GLI2: variants seen among roughly 807,000 people sequenced by gnomAD.
GLI2 encodes the protein GLI family zinc finger 2, also known as transcription activator GLI2.
A neutral mutation model predicts 78.9 loss-of-function variants in GLI2; 22 were observed. The observed-to-expected ratio is 0.28, with a 90% CI of 0.20 to 0.40. The LOEUF is 0.40. Among genes scored for constraint, GLI2 ranks in the 10% least tolerant of loss-of-function variants. The pLI is 1.00. For missense variants in GLI2, 2,097 were observed against 2,213.2 expected (o/e 0.95, Z 1.05); for synonymous variants, 974 against 963.7 (o/e 1.01, Z -0.20).
At chr2:120,771,330 G>T (rs571223802) in intron 1 of GLI2, among the ~76,000 whole-genome samples, 8 of 152,360 alleles carry the variant, frequency 5.3e-5, no homozygotes, top group Admixed American at 4.6e-4. Context: ...TGTGCGATTG[G>T]GGCGGACACT....
intron 2 of GLI2, among the ~76,000 whole-genome samples, chr2:120,840,826 T>C (rs551257309): frequency 6.6e-6 from 1 of 152,280 alleles, no homozygotes; most frequent in Admixed American, 6.5e-5. Flanking sequence ...TCCCCCTTCT[T>C]GTTTCTCCCA....
At chr2:120,819,113 G>A (rs1034209403) in intron 2 of GLI2, among the ~76,000 whole-genome samples, 3 of 152,148 alleles carry the variant, frequency 2.0e-5, no homozygotes, top group Non-Finnish European at 4.4e-5. Flanking sequence ...GCTCTTGTTG[G>A]GTTCCTGGCT....
chr2:120,762,677 A>C (rs1683249613), intron 1 of GLI2, among the ~76,000 whole-genome samples: 1 of 152,180 alleles, frequency 6.6e-6, no homozygotes, highest in South Asian at 2.1e-4. Flanking sequence ...GCCTGCAGCT[A>C]GTGTAGGCTC....
intron 2 of GLI2, among the ~76,000 whole-genome samples, chr2:120,911,844 T>C (rs187978932): frequency 7.2e-5 from 11 of 151,940 alleles, no homozygotes; most frequent in African/African-American, 2.7e-4. Flanking sequence ...GGGGAGGGGC[T>C]TTCTAGGCAG....
At chr2:120,909,703 A>C (rs1678718317) in intron 2 of GLI2, among the ~76,000 whole-genome samples, 1 of 151,926 alleles carries the variant, frequency 6.6e-6, no homozygotes. Flanking sequence ...GTCTCTACTA[A>C]AAATACAAAA....
chr2:120,798,026 A>C (rs1240352928), intron 2 of GLI2, among the ~76,000 whole-genome samples: 1 of 152,196 alleles, frequency 6.6e-6, no homozygotes, highest in Non-Finnish European at 1.5e-5. Context: ...CTACTGGGCC[A>C]TCCGTGCCAG....
chr2:120,956,485 C>T (rs1681269780), intron 5 of GLI2, among the ~76,000 whole-genome samples: 1 of 152,144 alleles, frequency 6.6e-6, no homozygotes, highest in Non-Finnish European at 1.5e-5. Context: ...AGGAGCCCGT[C>T]TCAAGGAATA....
intron 2 of GLI2, among the ~76,000 whole-genome samples, chr2:120,856,798 T>A (rs925270533): frequency 1.3e-5 from 2 of 152,138 alleles, no homozygotes; most frequent in African/African-American, 4.8e-5. Flanking sequence ...TGAAGAAGCC[T>A]CGTGTGGCTG....
chr2:120,892,490 C>T (rs1163583550), intron 2 of GLI2, among the ~76,000 whole-genome samples: 10 of 152,176 alleles, frequency 6.6e-5, no homozygotes, highest in Non-Finnish European at 1.0e-4. Context: ...GGTGCTGGCC[C>T]GGTACCAGCT....
chr2:120,786,840 G>GT (rs1684011626), intron 1 of GLI2, among the ~76,000 whole-genome samples: 1 of 152,172 alleles, frequency 6.6e-6, no homozygotes, highest in Non-Finnish European at 1.5e-5. Flanking sequence ...TCCCTTAAAG[G>GT]TGCCTGTGGG....
chr2:120,820,567 G>T lies in GLI2; in HGVS notation c.148+23099G>T, dbSNP rs1333208207. Among the ~76,000 whole-genome samples the T allele has an allele frequency of 2.0e-5, 3 of 152,222 alleles. No homozygotes were observed. In the East Asian group the frequency reaches 5.8e-4, roughly 29 times the overall value. The stretch of plus-strand genomic sequence containing the variant: ...CCCTGCCCCAGCAACCCCCAGGTAG[G>T]CTGGCTGTGGATGTGTGGGCTCCGG... On this transcript the variant is annotated intron_variant, in intron 2 of 13. Transcript: ENST00000361492.
chr2:120,777,128 T>TGAA (rs1683703396), intron 1 of GLI2, among the ~76,000 whole-genome samples: 3 of 152,046 alleles, frequency 2.0e-5, no homozygotes, highest in Admixed American at 2.0e-4. Flanking sequence ...TGAGAGTGGA[T>TGAA]GAATGTGAGA....
intron 1 of GLI2, among the ~76,000 whole-genome samples, chr2:120,738,229 ATCC>A (rs1256066289): frequency 6.6e-6 from 1 of 152,146 alleles, no homozygotes; most frequent in Non-Finnish European, 1.5e-5. Context: ...TGGAATCCAG[ATCC>A]ATCAGGGGCC....
chr2:120,986,756 G>A, intron 13 of GLI2, 142 bp downstream of exon 13: 1 of 675,216 alleles, frequency 1.5e-6, no homozygotes, highest in South Asian at 1.9e-5. Context: ...AGGAAACTGA[G>A]GCTCAGAGAG....
At chr2:120,839,708 G>A (rs1475757339) in intron 2 of GLI2, among the ~76,000 whole-genome samples, 2 of 152,044 alleles carry the variant, frequency 1.3e-5, no homozygotes, top group East Asian at 1.9e-4. Flanking sequence ...GATTACAGGC[G>A]TGCGCAACCA....
At chr2:120,912,800 T>A (rs1214658177) in intron 2 of GLI2, among the ~76,000 whole-genome samples, 1 of 152,018 alleles carries the variant, frequency 6.6e-6, no homozygotes, top group Non-Finnish European at 1.5e-5. Context: ...TCCAAGCTTA[T>A]CAAGAACGCA....
At chr2:120,751,169 G>T (rs940335450) in intron 1 of GLI2, among the ~76,000 whole-genome samples, 1 of 152,246 alleles carries the variant, frequency 6.6e-6, no homozygotes, top group African/African-American at 2.4e-5. Flanking sequence ...GCCCCGGAAG[G>T]ATCCCTTGCC....
At chr2:120,878,749 C>A (rs1402704824) in intron 2 of GLI2, among the ~76,000 whole-genome samples, 1 of 151,966 alleles carries the variant, frequency 6.6e-6, no homozygotes, top group Non-Finnish European at 1.5e-5. Flanking sequence ...CTGGCTAACA[C>A]AGTGAAACCC....
chr2:120,764,103 C>T (rs1050503080), intron 1 of GLI2, among the ~76,000 whole-genome samples: 11 of 152,248 alleles, frequency 7.2e-5, no homozygotes, highest in African/African-American at 2.7e-4. Context: ...GGTTCTCCTG[C>T]ATTGTCACCT....
Sources: allele counts gnomAD v4.1 joint callset (sites outside exome capture counted in the v4.1 genomes callset), GRCh38; gene constraint gnomAD v4.1.1; transcripts MANE v1.5; gene names NCBI Gene and HGNC (gene_info 2026-07-23, HGNC 2026-07-21).